NBAS: variants seen among roughly 807,000 people sequenced by gnomAD.
NBAS encodes the protein NAG/BC035112 fusion.
A neutral mutation model predicts 302.5 loss-of-function variants in NBAS; 219 were observed. That is an observed-to-expected ratio of 0.72 (90% confidence interval 0.65 to 0.81). NBAS has a LOEUF of 0.81. NBAS is among the 30% of genes least tolerant of loss of function. The probability of loss-of-function intolerance (pLI) is 0.00; values close to 1 mark genes in which losing one functional copy is unlikely to be tolerated. For missense variants in NBAS, 2,932 were observed against 2,841.6 expected, an observed-to-expected ratio of 1.03 and a Z score of -0.72; for synonymous variants, 1,118 against 1,021.6, an observed-to-expected ratio of 1.09 and a Z score of -1.80.
intron 44 of NBAS, among the ~76,000 whole-genome samples, chr2:15,267,806 ATTAAC>A (rs1219885845): frequency 1.3e-5 from 2 of 152,202 alleles, no homozygotes; most frequent in Non-Finnish European, 2.9e-5. Context: ...ATAAAGTAAA[ATTAAC>A]TTACTTATAA....
At chr2:14,852,654 C>A in the NBAS span, among the ~76,000 whole-genome samples, 5 of 143,440 alleles carry the variant, frequency 3.5e-5, no homozygotes, top group African/African-American at 1.3e-4. Context: ...AGGCATCACA[C>A]TACCTGACTT....
chr2:15,280,434 CTGGAAGTGAAAATG>C (rs1302993178), intron 42 of NBAS, among the ~76,000 whole-genome samples: 6 of 151,926 alleles, frequency 3.9e-5, no homozygotes, highest in Admixed American at 3.9e-4. Context: ...TGGGGAAGGG[CTGGAAGTGAAAATG>C]TACACATAAC....
chr2:15,392,010 T>C (rs746480865), intron 28 of NBAS, among the ~76,000 whole-genome samples: 1 of 132,764 alleles, frequency 7.5e-6, no homozygotes, highest in Admixed American at 8.0e-5. Flanking sequence ...ATCACTGGCA[T>C]CCTAGCACTA....
At chr2:15,079,011 G>A in the NBAS span, among the ~76,000 whole-genome samples, 1 of 152,140 alleles carries the variant, frequency 6.6e-6, no homozygotes, top group Non-Finnish European at 1.5e-5. Flanking sequence ...AGAAAACTGA[G>A]TGAAGGTCAT....
chr2:15,454,502 G>A (rs925078975), intron 21 of NBAS, among the ~76,000 whole-genome samples: 3 of 152,096 alleles, frequency 2.0e-5, no homozygotes, highest in Non-Finnish European at 2.9e-5. Flanking sequence ...TTATTCCAAT[G>A]AATGGATGTA....
intron 11 of NBAS, among the ~76,000 whole-genome samples, chr2:15,500,455 C>T (rs1364493263): frequency 6.6e-6 from 1 of 150,458 alleles, no homozygotes; most frequent in East Asian, 1.9e-4. Context: ...AAATCCCCAC[C>T]CTCAAGAAGT....
the NBAS span, among the ~76,000 whole-genome samples, chr2:14,953,530 G>C: frequency 6.6e-6 from 1 of 152,190 alleles, no homozygotes; most frequent in African/African-American, 2.4e-5. Flanking sequence ...GGATCCCCTA[G>C]CCCCATGGAG....
chr2:15,348,791 G>C (rs1389209781), intron 35 of NBAS, among the ~76,000 whole-genome samples: 2 of 151,972 alleles, frequency 1.3e-5, no homozygotes, highest in African/African-American at 4.8e-5. Flanking sequence ...TTTATGAAAA[G>C]TTAACTAGGC....
chr2:15,553,380 A>G (rs969601394), intron 5 of NBAS, 46 bp downstream of exon 5: 3 of 1,506,768 alleles, frequency 2.0e-6, no homozygotes, highest in Non-Finnish European at 2.8e-6. Flanking sequence ...AGAGTAACAA[A>G]TATTTCTCAA....
chr2:15,080,018 C>A, the NBAS span, among the ~76,000 whole-genome samples: 1 of 152,170 alleles, frequency 6.6e-6, no homozygotes, highest in African/African-American at 2.4e-5. Flanking sequence ...TAGCAGCCTA[C>A]AATCTGACCT....
At chr2:15,168,968 G>C (rs1664163086) in intron 51 of NBAS, among the ~76,000 whole-genome samples, 1 of 152,188 alleles carries the variant, frequency 6.6e-6, no homozygotes, top group Non-Finnish European at 1.5e-5. Context: ...CTTACCGACT[G>C]GGAAATTCTT....
At chr2:15,228,628 A>C (rs1462717357) in intron 47 of NBAS, among the ~76,000 whole-genome samples, 2 of 152,258 alleles carry the variant, frequency 1.3e-5, no homozygotes, top group African/African-American at 4.8e-5. Flanking sequence ...AAAATGTGGT[A>C]CATATAAATA....
intron 38 of NBAS, among the ~76,000 whole-genome samples, chr2:15,321,876 G>C (rs550637738): frequency 2.0e-5 from 3 of 152,152 alleles, no homozygotes; most frequent in South Asian, 2.1e-4. Context: ...TTGACCCAGC[G>C]ATCCCATTAC....
At chr2:15,356,056 G>A (rs920275967) in intron 33 of NBAS, among the ~76,000 whole-genome samples, 2 of 152,098 alleles carry the variant, frequency 1.3e-5, no homozygotes, top group African/African-American at 4.8e-5. Flanking sequence ...TAAATTACGA[G>A]CATGTTTTGA....
intron 45 of NBAS, among the ~76,000 whole-genome samples, chr2:15,236,340 G>C (rs1667590769): frequency 6.6e-6 from 1 of 151,812 alleles, no homozygotes; most frequent in Non-Finnish European, 1.5e-5. Flanking sequence ...TTGAGCCCAG[G>C]ACTTTGAGAC....
chr2:15,290,084 T>C (rs368705962), intron 41 of NBAS, among the ~76,000 whole-genome samples: 1 of 59,900 alleles, frequency 1.7e-5, no homozygotes, highest in African/African-American at 6.7e-5. Flanking sequence ...GGGGAGAGAG[T>C]AGAGGGGAGA....
the NBAS span, among the ~76,000 whole-genome samples, chr2:14,904,655 T>A: frequency 3.9e-3 from 596 of 151,782 alleles, 6 homozygotes; most frequent in African/African-American, 0.014. Context: ...TGACTCAGTA[T>A]GATAGGCTGT....
intron 19 of NBAS, among the ~76,000 whole-genome samples, chr2:15,464,514 G>C (rs1390027035): frequency 6.6e-6 from 1 of 151,978 alleles, no homozygotes; most frequent in Non-Finnish European, 1.5e-5. Flanking sequence ...AATCATGCAA[G>C]TATCCCCTCT....
At chr2:14,936,463 T>C in the NBAS span, among the ~76,000 whole-genome samples, 1 of 152,200 alleles carries the variant, frequency 6.6e-6, no homozygotes, top group African/African-American at 2.4e-5. Flanking sequence ...TAAGGAGACA[T>C]CTGGGGCAGA....
Sources: gnomAD v4.1 joint callset for allele counts (sites outside exome capture counted in the v4.1 genomes callset) on GRCh38, gnomAD v4.1.1 for gene constraint, MANE v1.5 for transcripts, NCBI Gene and HGNC (gene_info 2026-07-23, HGNC 2026-07-21) for gene names.